Variants in RAPGEF5 observed in about 807,000 individuals in gnomAD.
The protein encoded by RAPGEF5 is Rap guanine nucleotide exchange factor 5.
Under a neutral mutation model 125.2 loss-of-function variants are expected in RAPGEF5, and 65 were observed. The ratio of observed to expected loss-of-function variants is 0.52; its 90% CI spans 0.43 to 0.64. RAPGEF5 has a LOEUF of 0.64. Among genes scored for constraint, RAPGEF5 ranks in the 30% least tolerant of loss-of-function variants. The pLI is 0.00. For synonymous variants in RAPGEF5, 391 were observed against 385.9 expected (o/e 1.01, Z -0.16); for missense variants, 958 against 1,048.1 (o/e 0.91, Z 1.19).
intron 1 of RAPGEF5, among the ~76,000 whole-genome samples, chr7:22,327,400 CATACTT>C (rs1309551236): frequency 6.6e-6 from 1 of 152,212 alleles, no homozygotes; most frequent in African/African-American, 2.4e-5. Flanking sequence ...ATATTGTGCT[CATACTT>C]ATAAATGTCC....
chr7:22,148,072 T>C (rs1417469034), intron 18 of RAPGEF5, among the ~76,000 whole-genome samples: 1 of 152,186 alleles, frequency 6.6e-6, no homozygotes, highest in Non-Finnish European at 1.5e-5. Context: ...ATCCCCAGTG[T>C]AGGGCACAGT....
rs780914134 is a variant in RAPGEF5 at position 22,220,007 on chromosome 7, A to G, written c.871-16T>C. 2.5e-6 allele frequency: 4 copies of G among 1,612,952 alleles called. No individual in the cohort carries two copies. In the Admixed American group the frequency reaches 6.7e-5, roughly 27 times the overall value. On this transcript the variant is annotated splice_polypyrimidine_tract_variant and intron_variant, in intron 8 of 25. Coordinates refer to ENST00000665637, the MANE Select transcript of RAPGEF5 (RefSeq NM_012294.5). ...TCACCCCTGCCTTAAGAGTTGGAGA[A>G]AAAGCGAAGATATACTTAAAACCAC...
chr7:22,219,368 G>C (rs1304752717), intron 9 of RAPGEF5, among the ~76,000 whole-genome samples: 1 of 151,134 alleles, frequency 6.6e-6, no homozygotes, highest in Non-Finnish European at 1.5e-5. Flanking sequence ...TAAGATACTG[G>C]GAAAACTCCC....
At chr7:22,205,574 T>C (rs745817476) in intron 9 of RAPGEF5, among the ~76,000 whole-genome samples, 1 of 152,158 alleles carries the variant, frequency 6.6e-6, no homozygotes, top group Non-Finnish European at 1.5e-5. Flanking sequence ...CAGATAGACA[T>C]GTAAGAGACA....
chr7:22,188,103 A>C (rs2128124110), intron 11 of RAPGEF5, among the ~76,000 whole-genome samples: 1 of 152,374 alleles, frequency 6.6e-6, no homozygotes, highest in African/African-American at 2.4e-5. Context: ...AATTGTACAA[A>C]ATCATGAAAA....
intron 1 of RAPGEF5, among the ~76,000 whole-genome samples, chr7:22,327,452 T>A (rs78671518): frequency 6.6e-6 from 1 of 152,210 alleles, no homozygotes; most frequent in Non-Finnish European, 1.5e-5. Context: ...TAGCTAATTA[T>A]CATTAAATGT....
intron 7 of RAPGEF5, among the ~76,000 whole-genome samples, chr7:22,246,103 G>C (rs867290134): frequency 6.6e-6 from 1 of 152,006 alleles, no homozygotes; most frequent in South Asian, 2.1e-4. Context: ...CACAAAAATG[G>C]AAAAACATGG....
chr7:22,299,400 T>A (rs1418590214), intron 5 of RAPGEF5, among the ~76,000 whole-genome samples: 1 of 152,194 alleles, frequency 6.6e-6, no homozygotes, highest in Non-Finnish European at 1.5e-5. Flanking sequence ...TTTAAATATA[T>A]TATTGTATAT....
intron 1 of RAPGEF5, among the ~76,000 whole-genome samples, chr7:22,343,156 G>A (rs1784160029): frequency 6.6e-6 from 1 of 152,152 alleles, no homozygotes; most frequent in Non-Finnish European, 1.5e-5. Flanking sequence ...CTCACATGGT[G>A]GTAGACAAGG....
chr7:22,296,031 T>G (rs1783052339), intron 5 of RAPGEF5, among the ~76,000 whole-genome samples: 1 of 150,538 alleles, frequency 6.6e-6, no homozygotes, highest in Non-Finnish European at 1.5e-5. Flanking sequence ...GAGGCAGAAG[T>G]GAGGGGTGGT....
chr7:22,304,443 A>C (rs1447719696), intron 5 of RAPGEF5, among the ~76,000 whole-genome samples: 1 of 152,244 alleles, frequency 6.6e-6, no homozygotes, highest in Non-Finnish European at 1.5e-5. Context: ...AAAGACTGCA[A>C]GTAATCTGGA....
intron 7 of RAPGEF5, among the ~76,000 whole-genome samples, chr7:22,252,871 T>C (rs1562489924): frequency 6.6e-6 from 1 of 152,150 alleles, no homozygotes; most frequent in Non-Finnish European, 1.5e-5. Context: ...ATTGTAAGAA[T>C]TTTACATTTT....
At chr7:22,195,207 C>T (rs1406522374) in intron 9 of RAPGEF5, among the ~76,000 whole-genome samples, 2 of 152,114 alleles carry the variant, frequency 1.3e-5, no homozygotes, top group African/African-American at 4.8e-5. Flanking sequence ...AAAAAAATAT[C>T]CATTGTGCCT....
chr7:22,152,928 T>C (rs958642573), intron 17 of RAPGEF5, among the ~76,000 whole-genome samples: 1 of 152,198 alleles, frequency 6.6e-6, no homozygotes, highest in East Asian at 1.9e-4. Context: ...ATATTTCTAG[T>C]GATGATTAGC....
chr7:22,283,997 C>T (rs182326596), intron 6 of RAPGEF5, among the ~76,000 whole-genome samples: 1 of 152,176 alleles, frequency 6.6e-6, no homozygotes, highest in African/African-American at 2.4e-5. Flanking sequence ...TAAGTTACCA[C>T]ACAATCTGGG....
intron 6 of RAPGEF5, among the ~76,000 whole-genome samples, chr7:22,287,663 T>G (rs1313668174): frequency 6.6e-6 from 1 of 152,172 alleles, no homozygotes; most frequent in African/African-American, 2.4e-5. Flanking sequence ...GGGGTCACAG[T>G]AGATGAGAAC....
At chr7:22,173,986 G>C (rs1051882801) in intron 11 of RAPGEF5, among the ~76,000 whole-genome samples, 1 of 152,050 alleles carries the variant, frequency 6.6e-6, no homozygotes, top group Non-Finnish European at 1.5e-5. Context: ...AAATCTAACG[G>C]GGTAGCCTAA....
intron 4 of RAPGEF5, among the ~76,000 whole-genome samples, chr7:22,308,717 A>G (rs1783402548): frequency 6.6e-6 from 1 of 152,210 alleles, no homozygotes; most frequent in Admixed American, 6.5e-5. Context: ...AGCTCTGGCC[A>G]GCATATTCAC....
intron 1 of RAPGEF5, among the ~76,000 whole-genome samples, chr7:22,352,218 T>G (rs1772305210): frequency 6.6e-6 from 1 of 152,178 alleles, no homozygotes; most frequent in African/African-American, 2.4e-5. Context: ...CCCAGCATTT[T>G]GACAGTATAT....
Sources: allele counts gnomAD v4.1 joint callset (sites outside exome capture counted in the v4.1 genomes callset), GRCh38; gene constraint gnomAD v4.1.1; transcripts MANE v1.5; gene names NCBI Gene and HGNC (gene_info 2026-07-23, HGNC 2026-07-21).